CDKAL1: variants seen among roughly 807,000 people sequenced by gnomAD.
The protein encoded by CDKAL1 is threonylcarbamoyladenosine tRNA methylthiotransferase.
Under a neutral mutation model 68.2 loss-of-function variants are expected in CDKAL1, and 32 were observed. That is an observed-to-expected ratio of 0.47 (90% CI 0.35 to 0.63). The LOEUF (loss-of-function observed/expected upper bound fraction) is 0.63, where lower values mean the gene tolerates loss of function less well. CDKAL1 is among the 30% of genes least tolerant of loss of function. The pLI is 0.00. For missense variants in CDKAL1, 606 were observed against 696.7 expected (o/e 0.87, Z 1.47); for synonymous variants, 234 against 244.3 (o/e 0.96, Z 0.39).
chr6:21,148,663 A>G (rs1015993161), intron 13 of CDKAL1, among the ~76,000 whole-genome samples: 2 of 152,142 alleles, frequency 1.3e-5, no homozygotes, highest in African/African-American at 2.4e-5. Context: ...CAGGCTTTTA[A>G]AAAACACTGA....
At chr6:21,003,371 T>TATATATATACACACACACACACAC in intron 11 of CDKAL1, among the ~76,000 whole-genome samples, 2 of 49,312 alleles carry the variant, frequency 4.1e-5, no homozygotes, top group African/African-American at 1.1e-4. Flanking sequence ...TATATATATA[T>TATATATATACACACACACACACAC]ACACACACAC....
At position 20,557,139 on chromosome 6, in the gene CDKAL1, A is replaced by C. The variant is rs113379378; in HGVS notation, c.286+8434A>C. 3.3e-3 allele frequency among the ~76,000 whole-genome samples: 507 copies of C among 151,964 alleles called. 1 individual carries two copies. Among genetic ancestry groups the C allele is most frequent in the African/African-American group, 0.011 (477 of 41,546 alleles). On this transcript the variant is annotated intron_variant, in intron 4 of 15. Transcript: ENST00000274695. ...AAAAATCCTGACATTAAGGTTTCTG[A>C]CTTAAAATTATATGTGTAAGTAATA...
intron 4 of CDKAL1, among the ~76,000 whole-genome samples, chr6:20,647,942 G>A (rs1170415945): frequency 6.6e-6 from 1 of 150,704 alleles, no homozygotes; most frequent in Non-Finnish European, 1.5e-5. Context: ...GGGCATGGTG[G>A]TGGGCGCCTG....
chr6:21,158,672 A>C (rs1317189629), intron 13 of CDKAL1, among the ~76,000 whole-genome samples: 3 of 152,240 alleles, frequency 2.0e-5, no homozygotes, highest in Non-Finnish European at 4.4e-5. Flanking sequence ...ACCACAAGCA[A>C]AGCATGTATG....
At chr6:20,582,017 CAT>C (rs1408397717) in intron 4 of CDKAL1, among the ~76,000 whole-genome samples, 1 of 152,118 alleles carries the variant, frequency 6.6e-6, no homozygotes, top group African/African-American at 2.4e-5. Flanking sequence ...CAAAAGTAAA[CAT>C]ATAAAAATTC....
chr6:20,702,342 G>A (rs1402560799), intron 5 of CDKAL1, among the ~76,000 whole-genome samples: 2 of 152,130 alleles, frequency 1.3e-5, no homozygotes, highest in East Asian at 3.9e-4. Flanking sequence ...CCGTCTATAG[G>A]CTTGTGTTAA....
At chr6:21,188,183 C>CAAG (rs1778090835) in intron 13 of CDKAL1, among the ~76,000 whole-genome samples, 1 of 151,798 alleles carries the variant, frequency 6.6e-6, no homozygotes, top group Admixed American at 6.6e-5. Flanking sequence ...TTTCTATTTG[C>CAAG]TTTTTGACTT....
At chr6:20,767,683 A>G (rs1316689094) in intron 7 of CDKAL1, among the ~76,000 whole-genome samples, 1 of 152,196 alleles carries the variant, frequency 6.6e-6, no homozygotes, top group Admixed American at 6.5e-5. Flanking sequence ...ATCTTTTCTT[A>G]GAAAACCTAA....
At chr6:21,014,668 C>A (rs1434704111) in intron 11 of CDKAL1, among the ~76,000 whole-genome samples, 1 of 151,292 alleles carries the variant, frequency 6.6e-6, no homozygotes, top group Non-Finnish European at 1.5e-5. Flanking sequence ...CTAAAAACAA[C>A]TGAATTTTTT....
chr6:20,826,465 A>G (rs966168302), intron 8 of CDKAL1, among the ~76,000 whole-genome samples: 3 of 152,208 alleles, frequency 2.0e-5, no homozygotes, highest in Admixed American at 2.0e-4. Flanking sequence ...GGTCAAGTTT[A>G]GAACTCATCA....
intron 4 of CDKAL1, among the ~76,000 whole-genome samples, chr6:20,639,702 G>A (rs905192656): frequency 3.9e-5 from 6 of 152,138 alleles, no homozygotes; most frequent in Admixed American, 2.6e-4. Context: ...TTGGAGTCTC[G>A]CTCTGCTGCT....
intron 4 of CDKAL1, among the ~76,000 whole-genome samples, chr6:20,564,899 A>G (rs944927869): frequency 2.6e-5 from 4 of 152,280 alleles, no homozygotes; most frequent in Non-Finnish European, 5.9e-5. Flanking sequence ...GTGTGATGAG[A>G]GGAGAATCTA....
In CDKAL1 at chr6:20,758,585, T is replaced by C; in HGVS notation, c.469-10T>C. ...AAATTACTTGTGTAATCGTTTTTTT[T>C]TTTTTCCAGGTTCAGCAGATAGATC... On this transcript the variant is annotated splice_polypyrimidine_tract_variant and intron_variant, in intron 6 of 15. Transcript: ENST00000274695. 1 of 1,597,468 alleles carries C rather than the reference T, an allele frequency of 6.3e-7. No individual in the cohort carries two copies. The highest frequency in any genetic ancestry group is 1.8e-5 in the Admixed American group (1 of 56,014).
At chr6:21,024,717 CAGCTGTTCCTGCTTTGAG>C (rs1768867764) in intron 11 of CDKAL1, among the ~76,000 whole-genome samples, 1 of 152,200 alleles carries the variant, frequency 6.6e-6, no homozygotes, top group South Asian at 2.1e-4. Flanking sequence ...ACGGGGAACA[CAGCTGTTCCTGCTTTGAG>C]ACTGGAATGG....
chr6:20,790,828 C>G (rs1775868944), intron 8 of CDKAL1, among the ~76,000 whole-genome samples: 1 of 152,252 alleles, frequency 6.6e-6, no homozygotes, highest in Non-Finnish European at 1.5e-5. Flanking sequence ...GTGTCTGGGT[C>G]TGGGGCTTTT....
chr6:20,978,730 T>A (rs974642974), intron 10 of CDKAL1, among the ~76,000 whole-genome samples: 5 of 152,240 alleles, frequency 3.3e-5, no homozygotes, highest in Non-Finnish European at 1.5e-5. Context: ...TTGCAAATTT[T>A]AATTTTCAGT....
chr6:20,813,636 T>C (rs1776914339), intron 8 of CDKAL1, among the ~76,000 whole-genome samples: 1 of 152,228 alleles, frequency 6.6e-6, no homozygotes, highest in South Asian at 2.1e-4. Flanking sequence ...TTGTATGAAA[T>C]AAGAGTTGAG....
At chr6:20,785,097 A>G (rs1775613161) in intron 8 of CDKAL1, among the ~76,000 whole-genome samples, 1 of 152,044 alleles carries the variant, frequency 6.6e-6, no homozygotes, top group Non-Finnish European at 1.5e-5. Flanking sequence ...ATTAGAGTAG[A>G]GTGTTGATCC....
At chr6:20,679,158 C>T (rs909255050) in intron 5 of CDKAL1, among the ~76,000 whole-genome samples, 4 of 152,264 alleles carry the variant, frequency 2.6e-5, no homozygotes, top group East Asian at 1.9e-4. Context: ...AAGCAACCCT[C>T]CTCCTGCCCT....
Sources: allele counts gnomAD v4.1 joint callset (sites outside exome capture counted in the v4.1 genomes callset), GRCh38; gene constraint gnomAD v4.1.1; transcripts MANE v1.5; gene names NCBI Gene and HGNC (gene_info 2026-07-23, HGNC 2026-07-21).